The following SPG7 variants were observed in gnomAD, a reference collection of about 807,000 sequenced individuals.
SPG7 encodes SPG7 matrix AAA peptidase subunit, paraplegin, also known as mitochondrial inner membrane m-AAA protease component paraplegin.
A neutral mutation model predicts 81.9 loss-of-function variants in SPG7; 103 were observed. That is an observed-to-expected ratio of 1.26 (90% CI 1.07 to 1.48). The LOEUF (loss-of-function observed/expected upper bound fraction) is 1.48, where lower values mean the gene tolerates loss of function less well. Among genes scored for constraint, SPG7 ranks in the 40% most tolerant of loss-of-function variants. The pLI, the probability that SPG7 is intolerant of heterozygous loss-of-function variation, is 0.00. For synonymous variants in SPG7, 534 were observed against 444.2 expected (o/e 1.20, Z -2.54); for missense variants, 1,241 against 1,087.3 (o/e 1.14, Z -1.99).
intron 7 of SPG7, chr16:89,531,695 G>A: frequency 1.7e-6 from 1 of 591,424 alleles, no homozygotes; most frequent in African/African-American, 1.9e-5. Context: ...TTTAAAAGTA[G>A]CTGGGCGTGG....
chr16:89,557,297 G>T lies in SPG7; in HGVS notation c.*204G>T. ...AAACTACTGACGGAGTCCTGTGTTTGTGAGTCGTTTCCCCTATGGGGAAGG... is the reference window on the plus strand; with the variant it reads ...AAACTACTGACGGAGTCCTGTGTTTTTGAGTCGTTTCCCCTATGGGGAAGG... On this transcript the variant is annotated 3_prime_UTR_variant, in exon 17 of 17. Transcript: ENST00000645818. 1 of 590,568 alleles carries T rather than the reference G, an allele frequency of 1.7e-6. No homozygotes were observed. Among genetic ancestry groups the T allele is most frequent in the East Asian group, 2.8e-5 (1 of 35,360 alleles). The allele number at this position is 590,568 out of a possible 1,614,324, so 36.6% of individuals were successfully genotyped here.
chr16:89,538,894 T>G (rs1457974981), intron 9 of SPG7: 1 of 152,276 alleles, frequency 6.6e-6, no homozygotes, highest in East Asian at 1.9e-4. Flanking sequence ...ATCCTGAGTT[T>G]GGTTGCTTGT....
chr16:89,536,833 T>C (rs763551020), intron 9 of SPG7: 4 of 1,614,110 alleles, frequency 2.5e-6, no homozygotes, highest in Admixed American at 1.7e-5. Flanking sequence ...CCCCGCCTGC[T>C]CCTGTCTCAC....
At chr16:89,556,497 G>A in intron 16 of SPG7, 1 of 300,722 alleles carries the variant, frequency 3.3e-6, no homozygotes, top group Non-Finnish European at 6.3e-6. Context: ...CCCAACTTGA[G>A]AGGTCCCAGC....
chr16:89,510,118 G>T (rs1234706643), intron 1 of SPG7, among the ~76,000 whole-genome samples: 2 of 151,920 alleles, frequency 1.3e-5, no homozygotes, highest in Non-Finnish European at 2.9e-5. Context: ...GAGATTACAG[G>T]TGTGCACCAC....
chr16:89,543,803 G>C (rs528732636), intron 9 of SPG7: 2 of 152,116 alleles, frequency 1.3e-5, no homozygotes, highest in Non-Finnish European at 2.9e-5. Context: ...ACAGGTGCAC[G>C]CCACCACACC....
chr16:89,508,662 C>G lies in SPG7; in HGVS notation c.183+62C>G, dbSNP rs964512083. The G allele has an allele frequency of 5.7e-6, 8 of 1,408,664 alleles. 1 individual carries two copies. The highest frequency in any genetic ancestry group is 3.0e-5 in the South Asian group (2 of 66,918). 87.3% of individuals were successfully genotyped at this position (1,408,664 alleles called of 1,614,324 possible). A position where few individuals can be genotyped will look rare whatever the true frequency, so the allele number is the denominator to read the frequency against. On this transcript the variant is annotated intron_variant, in intron 1 of 16. Coordinates refer to ENST00000645818, the MANE Select transcript of SPG7 (RefSeq NM_003119.4). ...CGGCTCTGCTCTGTAAGGCCCAGCC[C>G]GGCGGGGCGGGTCGGAGGCCGCCTG...
rs191614703 is a variant in SPG7, at chr16:89,549,134, G to A, written c.1663+1021G>A. 8.7e-4 allele frequency: 398 copies of A among 456,650 alleles called. 10 individuals are homozygous for A. In the Admixed American group the frequency reaches 8.8e-3, roughly 10 times the overall value. The allele number at this position is 456,650 out of a possible 1,614,324, so 28.3% of individuals were successfully genotyped here. On this transcript the variant is annotated intron_variant, in intron 12 of 16. Transcript: ENST00000645818. ...CTGTGTCTTACTGAAATTTATTTTC[G>A]TGTAACCATTTACTTTTATGTGGAA...
chr16:89,548,709 C>T (rs1051428693), intron 12 of SPG7: 15 of 350,244 alleles, frequency 4.3e-5, no homozygotes, highest in South Asian at 2.3e-4. Context: ...GGGTCTGCGA[C>T]GTCTGTGAGG....
chr16:89,553,511 C>T (rs968446279), intron 14 of SPG7: 22 of 538,612 alleles, frequency 4.1e-5, no homozygotes, highest in African/African-American at 2.1e-4. Context: ...GGGTTTGCCT[C>T]GCATAGGCCT....
chr16:89,546,834 G>T, intron 11 of SPG7, 74 bp downstream of exon 11: 1 of 968,006 alleles, frequency 1.0e-6, no homozygotes. Context: ...AAACAGCATC[G>T]AGGCCTCCTC....
Position 89,508,577 on chromosome 16 carries a change from G to T in SPG7, c.160G>T (p.Glu54Ter). The change falls in exon 1 of 17, where the codon GAG (glutamate) becomes TAG (stop). Residue 54 changes from glutamate to a stop codon, truncating the protein, a stop_gained. Transcript: ENST00000645818. LOFTEE classifies it high-confidence loss of function. ...MASRPPGDLA[E>*]AGGRALQSLQ... ...CAGCAGGCCTCCGGGGGACCTCGCC[G>T]AGGCTGGAGGCCGAGCTCTGCAGGT... is the stretch of plus-strand genomic sequence containing the variant. The T allele has an allele frequency of 6.7e-7, 1 of 1,485,100 alleles. No individual in the cohort carries two copies. Among genetic ancestry groups the T allele is most frequent in the Non-Finnish European group, 8.9e-7 (1 of 1,123,242 alleles). The allele number at this position is 1,485,100 out of a possible 1,614,324, so 92.0% of individuals were successfully genotyped here.
chr16:89,512,885 T>A (rs2058040337), intron 2 of SPG7, 63 bp from the exon 3 acceptor site: 1 of 1,591,726 alleles, frequency 6.3e-7, no homozygotes, highest in Middle Eastern at 1.7e-4. Flanking sequence ...TACACTGTTG[T>A]CCTGTATGCC....
chr16:89,516,978 G>A (rs150717595), intron 3 of SPG7: 1 of 152,222 alleles, frequency 6.6e-6, no homozygotes, highest in Non-Finnish European at 1.5e-5. Flanking sequence ...AGTGGAAGCG[G>A]ATCACCATAA....
intron 9 of SPG7, chr16:89,541,417 G>A (rs749928246): frequency 1.9e-4 from 153 of 801,078 alleles, no homozygotes; most frequent in Non-Finnish European, 2.1e-4. Flanking sequence ...AAATTCTGGG[G>A]ATGGAGAACG....
chr16:89,508,795 G>A (rs776148212), intron 1 of SPG7, 195 bp downstream of exon 1: 1 of 723,396 alleles, frequency 1.4e-6, no homozygotes, highest in Admixed American at 2.0e-5. Context: ...TGGGCGGGCC[G>A]GGAAGAGGCA....
chr16:89,521,481 G>A (rs1216856155), intron 3 of SPG7: 1 of 152,266 alleles, frequency 6.6e-6, no homozygotes, highest in Non-Finnish European at 1.5e-5. Context: ...TTTGGCTCAT[G>A]CCTATAATCC....
chr16:89,541,575 A>C (rs1342244953), intron 9 of SPG7: 1 of 154,590 alleles, frequency 6.5e-6, no homozygotes, highest in African/African-American at 2.4e-5. Context: ...CACAGGTGAG[A>C]GCACATAGGA....
chr16:89,529,990 C>A, intron 6 of SPG7: 1 of 311,090 alleles, frequency 3.2e-6, no homozygotes, highest in Non-Finnish European at 6.2e-6. Flanking sequence ...CAGGCACGCG[C>A]CACCACGTCC....
Sources: gnomAD v4.1 joint callset for allele counts (sites outside exome capture counted in the v4.1 genomes callset) on GRCh38, gnomAD v4.1.1 for gene constraint, MANE v1.5 for transcripts, NCBI Gene and HGNC (gene_info 2026-07-23, HGNC 2026-07-21) for gene names.